Variants in TPD52L1 observed in about 807,000 individuals in gnomAD.
TPD52L1 encodes TPD52 like 1.
Under a neutral mutation model 28.7 loss-of-function variants are expected in TPD52L1, and 18 were observed. The ratio of observed to expected loss-of-function variants is 0.63; its 90% CI spans 0.43 to 0.93. The LOEUF (loss-of-function observed/expected upper bound fraction) is 0.93, where lower values mean the gene tolerates loss of function less well. TPD52L1 is among the 40% of genes least tolerant of loss of function. TPD52L1 has a pLI of 0.00. For synonymous variants in TPD52L1, 75 were observed against 88.8 expected (o/e 0.84, Z 0.88); for missense variants, 203 against 254.8 (o/e 0.80, Z 1.39).
intron 6 of TPD52L1, 21 bp downstream of exon 6, chr6:125,257,179 G>A (rs1797657665): frequency 6.2e-6 from 10 of 1,601,096 alleles, no homozygotes; most frequent in African/African-American, 1.3e-5. Context: ...AGTGAATTCT[G>A]TGTGAGTGGG....
chr6:125,153,909 G>T lies in TPD52L1; in HGVS notation c.-43G>T. The T allele has an allele frequency of 6.3e-7, 1 of 1,588,866 alleles. No homozygotes were observed. ...GCGCAGCTGCCATCTGCTCTGGGAA[G>T]CACCAGGGTGTCCCCGCCGCCCTCA... On this transcript the variant is annotated 5_prime_UTR_variant, in exon 1 of 7. Transcript: ENST00000534000.
chr6:125,155,738 A>G (rs1226977410), intron 1 of TPD52L1, among the ~76,000 whole-genome samples: 1 of 152,236 alleles, frequency 6.6e-6, no homozygotes, highest in Non-Finnish European at 1.5e-5. Context: ...CTAGTATGCA[A>G]TAATCAGAAG....
chr6:125,155,511 C>T (rs1790060780), intron 1 of TPD52L1, among the ~76,000 whole-genome samples: 1 of 152,224 alleles, frequency 6.6e-6, no homozygotes, highest in Admixed American at 6.5e-5. Context: ...TGCTTTACTT[C>T]CAAGATTTAC....
intron 3 of TPD52L1, among the ~76,000 whole-genome samples, chr6:125,232,028 C>T (rs76951232): frequency 0.047 from 7,101 of 152,158 alleles, 184 homozygotes; most frequent in East Asian, 0.091. Flanking sequence ...CGTTTTGGCT[C>T]CGTAAAGTCT....
intron 1 of TPD52L1, among the ~76,000 whole-genome samples, chr6:125,204,704 C>T (rs896530092): frequency 6.6e-6 from 1 of 152,188 alleles, no homozygotes; most frequent in African/African-American, 2.4e-5. Context: ...TGGTCTCGAT[C>T]TCCTGACCTC....
At chr6:125,183,134 G>C (rs1338105510) in intron 1 of TPD52L1, among the ~76,000 whole-genome samples, 4 of 152,152 alleles carry the variant, frequency 2.6e-5, no homozygotes, top group African/African-American at 9.7e-5. Flanking sequence ...GCCTGGGACA[G>C]GGCTATGCAG....
intron 1 of TPD52L1, among the ~76,000 whole-genome samples, chr6:125,160,747 G>T (rs972759450): frequency 1.3e-5 from 2 of 152,022 alleles, no homozygotes; most frequent in Non-Finnish European, 2.9e-5. Flanking sequence ...GTTTAGTTTA[G>T]CCACTTTCAT....
chr6:125,209,313 G>T (rs1794354925), intron 1 of TPD52L1, among the ~76,000 whole-genome samples: 1 of 152,210 alleles, frequency 6.6e-6, no homozygotes, highest in Admixed American at 6.5e-5. Context: ...CAGGGCAGAG[G>T]AAGACGAACA....
chr6:125,170,286 G>A (rs73771242), intron 1 of TPD52L1, among the ~76,000 whole-genome samples: 9,441 of 151,998 alleles, frequency 0.062, 573 homozygotes, highest in East Asian at 0.33. Flanking sequence ...GATGTGACAA[G>A]GGGCAGGTAT....
intron 3 of TPD52L1, among the ~76,000 whole-genome samples, chr6:125,242,216 G>A (rs1333701399): frequency 6.6e-6 from 1 of 151,998 alleles, no homozygotes; most frequent in East Asian, 1.9e-4. Flanking sequence ...CCTATCATAT[G>A]GTCTATCTTA....
intron 1 of TPD52L1, among the ~76,000 whole-genome samples, chr6:125,174,238 G>T (rs1234670954): frequency 1.3e-5 from 2 of 152,152 alleles, no homozygotes; most frequent in Non-Finnish European, 2.9e-5. Context: ...GGGCCCTAAA[G>T]TAGGCACTAG....
At chr6:125,235,709 A>G (rs976784315) in intron 3 of TPD52L1, among the ~76,000 whole-genome samples, 118 of 152,324 alleles carry the variant, frequency 7.7e-4, no homozygotes, top group African/African-American at 2.7e-3. Flanking sequence ...TTGATTTCCA[A>G]GTAATGTATA....
At chr6:125,201,292 C>G (rs887879063) in intron 1 of TPD52L1, among the ~76,000 whole-genome samples, 1 of 152,144 alleles carries the variant, frequency 6.6e-6, no homozygotes, top group African/African-American at 2.4e-5. Context: ...AGATCACAGT[C>G]ACATCTTTCT....
At chr6:125,219,691 C>A (rs1795100031) in intron 1 of TPD52L1, among the ~76,000 whole-genome samples, 1 of 152,140 alleles carries the variant, frequency 6.6e-6, no homozygotes, top group Non-Finnish European at 1.5e-5. Flanking sequence ...GCCCTTGGGG[C>A]CTACAATTTA....
intron 5 of TPD52L1, 129 bp downstream of exon 5, chr6:125,253,884 A>T: frequency 1.1e-6 from 1 of 921,338 alleles, no homozygotes; most frequent in Non-Finnish European, 1.8e-6. Context: ...TCAAAAGAAA[A>T]GGCTGACAAT....
chr6:125,240,542 G>A (rs968345552), intron 3 of TPD52L1, among the ~76,000 whole-genome samples: 3 of 151,980 alleles, frequency 2.0e-5, no homozygotes, highest in Admixed American at 2.0e-4. Flanking sequence ...TCACCTACTT[G>A]GTTAAGTATA....
At chr6:125,241,811 A>T (rs1582999663) in intron 3 of TPD52L1, among the ~76,000 whole-genome samples, 1 of 144,242 alleles carries the variant, frequency 6.9e-6, no homozygotes. Flanking sequence ...TTTTTTTGTC[A>T]GTTTCATTTA....
intron 3 of TPD52L1, among the ~76,000 whole-genome samples, chr6:125,232,887 C>T (rs1796031105): frequency 6.6e-6 from 1 of 152,006 alleles, no homozygotes; most frequent in Non-Finnish European, 1.5e-5. Flanking sequence ...TAAGAACATA[C>T]AAAAAAGTCC....
In TPD52L1 at chr6:125,233,268, G is replaced by A. The variant is rs571443860; in HGVS notation, c.284+4002G>A. On this transcript the variant is annotated intron_variant, in intron 3 of 6. Coordinates refer to ENST00000534000, the MANE Select transcript of TPD52L1 (RefSeq NM_003287.4). ...AAGAGGACGAAAAGCCTCACATTCA[G>A]CATTTTAAAAACGCACAGTGCTCAA... 4.6e-5 allele frequency among the ~76,000 whole-genome samples: 7 copies of A among 152,188 alleles called. No individual in the cohort carries two copies. In the South Asian group the frequency reaches 1.5e-3, roughly 32 times the overall value.
Sources: gnomAD v4.1 joint callset for allele counts (sites outside exome capture counted in the v4.1 genomes callset) on GRCh38, gnomAD v4.1.1 for gene constraint, MANE v1.5 for transcripts, NCBI Gene and HGNC (gene_info 2026-07-23, HGNC 2026-07-21) for gene names.